The following DLC1 variants were observed in gnomAD, a reference collection of about 807,000 sequenced individuals.
DLC1 encodes the protein DLC1 Rho GTPase activating protein.
Under a neutral mutation model 140.3 loss-of-function variants are expected in DLC1, and 54 were observed. That is an observed-to-expected ratio of 0.38 (90% CI 0.31 to 0.48). DLC1 has a LOEUF of 0.48. DLC1 is among the 20% of genes least tolerant of loss of function. The pLI is 0.96. For synonymous variants in DLC1, 986 were observed against 728.1 expected, an observed-to-expected ratio of 1.35 and a Z score of -5.70; for missense variants, 2,536 against 1,907.0, an observed-to-expected ratio of 1.33 and a Z score of -6.14.
chr8:13,511,057 A>G (rs1041399022), intron 1 of DLC1, among the ~76,000 whole-genome samples: 4 of 152,088 alleles, frequency 2.6e-5, no homozygotes, highest in Non-Finnish European at 5.9e-5. Flanking sequence ...ATTCCTGGCA[A>G]GCTAGGTATT....
intron 1 of DLC1, among the ~76,000 whole-genome samples, chr8:13,530,534 T>C (rs1027339800): frequency 3.9e-5 from 6 of 152,130 alleles, no homozygotes; most frequent in African/African-American, 1.2e-4. Context: ...TCCAGATACA[T>C]GTGTAGTATA....
chr8:13,395,014 C>CTATG (rs1836960057), intron 3 of DLC1, among the ~76,000 whole-genome samples: 1 of 85,296 alleles, frequency 1.2e-5, no homozygotes, highest in African/African-American at 6.4e-5. Flanking sequence ...TTCTATCTAT[C>CTATG]TATCTATCTA....
intron 1 of DLC1, among the ~76,000 whole-genome samples, chr8:13,602,183 A>C (rs1805910743): frequency 6.6e-6 from 1 of 151,828 alleles, no homozygotes; most frequent in Non-Finnish European, 1.5e-5. Flanking sequence ...AGCAAAATCC[A>C]GAAAGAAAAA....
At chr8:13,440,176 T>C (rs1196469587) in intron 2 of DLC1, among the ~76,000 whole-genome samples, 2 of 152,318 alleles carry the variant, frequency 1.3e-5, no homozygotes, top group South Asian at 2.1e-4. Flanking sequence ...GGTTTCTCAT[T>C]TCGATCATAG....
intron 5 of DLC1, among the ~76,000 whole-genome samples, chr8:13,187,542 CAG>C (rs1381504487): frequency 6.6e-6 from 1 of 151,960 alleles, no homozygotes; most frequent in East Asian, 1.9e-4. Flanking sequence ...CCAAGATGTG[CAG>C]AAAGATGACA....
chr8:13,426,488 A>G (rs1470806541), intron 2 of DLC1, among the ~76,000 whole-genome samples: 3 of 152,196 alleles, frequency 2.0e-5, no homozygotes, highest in African/African-American at 4.8e-5. Flanking sequence ...TATCTCAGAT[A>G]AAACCCTTGA....
At chr8:13,335,666 G>A (rs952781350) in intron 4 of DLC1, among the ~76,000 whole-genome samples, 1 of 151,490 alleles carries the variant, frequency 6.6e-6, no homozygotes, top group Non-Finnish European at 1.5e-5. Flanking sequence ...TCTCCAAGAA[G>A]TGTAGGATAA....
intron 4 of DLC1, among the ~76,000 whole-genome samples, chr8:13,321,897 A>C (rs1341959819): frequency 6.6e-6 from 1 of 152,182 alleles, no homozygotes; most frequent in Non-Finnish European, 1.5e-5. Flanking sequence ...AATGTGCTAC[A>C]TTCTGTGTTG....
At chr8:13,213,840 G>C (rs1188880836) in intron 5 of DLC1, among the ~76,000 whole-genome samples, 2 of 151,440 alleles carry the variant, frequency 1.3e-5, no homozygotes, top group African/African-American at 4.9e-5. Context: ...CTGGAGTGCA[G>C]TGGCGTGATC....
At position 13,567,718 on chromosome 8, in the gene DLC1, C is replaced by A. The variant is rs200666163; in HGVS notation, c.-126+36819G>T. ...TCTTCATACCAAAGACTTTCTCACC[C>A]GTATTGGAGAAGCACATCAAGACTT... On this transcript the variant is annotated intron_variant, in intron 1 of 1. Transcript: ENST00000631382. The A allele has an allele frequency of 7.1e-6, 11 of 1,551,998 alleles. No individual in the cohort carries two copies. In the South Asian group the frequency reaches 1.2e-4, roughly 17 times the overall value.
chr8:13,128,725 C>T lies in DLC1; in HGVS notation c.1349-13068G>A, dbSNP rs542108174. Among the ~76,000 whole-genome samples the T allele has an allele frequency of 6.6e-5, 10 of 152,112 alleles. No homozygotes were observed. In the East Asian group the frequency reaches 1.7e-3, roughly 27 times the overall value. On this transcript the variant is annotated intron_variant, in intron 5 of 17. Coordinates refer to ENST00000276297, the MANE Select transcript of DLC1 (RefSeq NM_182643.3). ...GCGGCGCCTACTGTAGTCCCAGCTA[C>T]TCGGGAGGCTGGGGCAGGAGAATGG...
chr8:13,486,088 C>G (rs1437916009), intron 2 of DLC1, among the ~76,000 whole-genome samples: 1 of 152,124 alleles, frequency 6.6e-6, no homozygotes, highest in Non-Finnish European at 1.5e-5. Flanking sequence ...AGAGAAAGCA[C>G]TTTGTAACTT....
At chr8:13,138,071 T>C (rs1489208606) in intron 5 of DLC1, among the ~76,000 whole-genome samples, 5 of 152,212 alleles carry the variant, frequency 3.3e-5, no homozygotes, top group Admixed American at 6.5e-5. Context: ...ATTTTAATAA[T>C]TGATATTAGT....
chr8:13,144,832 G>A (rs1327513229), intron 5 of DLC1, among the ~76,000 whole-genome samples: 2 of 152,100 alleles, frequency 1.3e-5, no homozygotes, highest in Non-Finnish European at 2.9e-5. Flanking sequence ...TACTGGTTCT[G>A]TTTTTCTGGA....
chr8:13,570,630 A>C (rs1053237406), intron 1 of DLC1, among the ~76,000 whole-genome samples: 7 of 150,776 alleles, frequency 4.6e-5, no homozygotes, highest in African/African-American at 1.7e-4. Flanking sequence ...TGAACTCATC[A>C]TTTTTTATGG....
chr8:13,341,212 A>G (rs1014885736), intron 4 of DLC1: 1 of 152,246 alleles, frequency 6.6e-6, no homozygotes, highest in Non-Finnish European at 1.5e-5. Context: ...AAAAGAAGAG[A>G]AAAGAAAGAC....
chr8:13,576,507 C>T (rs576475533), intron 1 of DLC1, among the ~76,000 whole-genome samples: 3 of 152,252 alleles, frequency 2.0e-5, no homozygotes, highest in South Asian at 4.2e-4. Flanking sequence ...ATGTTGCCTC[C>T]AGATCCTGAA....
At chr8:13,377,878 C>T (rs949797780) in intron 4 of DLC1, among the ~76,000 whole-genome samples, 5 of 151,288 alleles carry the variant, frequency 3.3e-5, no homozygotes, top group Non-Finnish European at 7.4e-5. Flanking sequence ...TATAATTTGA[C>T]CAGAAGATGG....
chr8:13,137,084 A>T (rs951174216), intron 5 of DLC1, among the ~76,000 whole-genome samples: 17 of 152,210 alleles, frequency 1.1e-4, no homozygotes, highest in Non-Finnish European at 1.9e-4. Flanking sequence ...AAACAAAATA[A>T]GACCTTGGCA....
Sources: allele counts gnomAD v4.1 joint callset (sites outside exome capture counted in the v4.1 genomes callset), GRCh38; gene constraint gnomAD v4.1.1; transcripts MANE v1.5; gene names NCBI Gene and HGNC (gene_info 2026-07-23, HGNC 2026-07-21).